The following DDX10 variants were observed in gnomAD, a reference collection of about 807,000 sequenced individuals.
The protein encoded by DDX10 is DEAD-box helicase 10.
A neutral mutation model predicts 104.3 loss-of-function variants in DDX10; 74 were observed. The ratio of observed to expected loss-of-function variants is 0.71; its 90% CI spans 0.59 to 0.86. DDX10 has a LOEUF of 0.86. DDX10 is among the 40% of genes least tolerant of loss of function. DDX10 has a pLI of 0.00. For synonymous variants in DDX10, 351 were observed against 353.4 expected (o/e 0.99, Z 0.08); for missense variants, 952 against 1,040.0 (o/e 0.92, Z 1.16).
intron 16 of DDX10, among the ~76,000 whole-genome samples, chr11:108,912,878 G>A (rs1863698434): frequency 1.3e-5 from 2 of 152,112 alleles, no homozygotes; most frequent in Admixed American, 6.5e-5. Flanking sequence ...TGTGTATTTA[G>A]TAAGAGGCTA....
chr11:108,774,230 G>C (rs1173636010), intron 13 of DDX10, among the ~76,000 whole-genome samples: 1 of 152,232 alleles, frequency 6.6e-6, no homozygotes, highest in Non-Finnish European at 1.5e-5. Context: ...ACCTTGGGAA[G>C]TGAGAATCAT....
chr11:108,907,527 G>C (rs143716854), intron 16 of DDX10, among the ~76,000 whole-genome samples: 1,566 of 152,010 alleles, frequency 0.01, 25 homozygotes, highest in African/African-American at 0.036. Flanking sequence ...GTAGAGATGG[G>C]GTTTCACCAT....
At chr11:108,717,051 T>A (rs1159436265) in intron 11 of DDX10, among the ~76,000 whole-genome samples, 1 of 152,238 alleles carries the variant, frequency 6.6e-6, no homozygotes, top group African/African-American at 2.4e-5. Flanking sequence ...CTTATCATTT[T>A]CACCTGTCCT....
intron 17 of DDX10, among the ~76,000 whole-genome samples, chr11:108,927,893 C>A (rs1863928410): frequency 6.6e-6 from 1 of 152,196 alleles, no homozygotes; most frequent in Non-Finnish European, 1.5e-5. Context: ...CCTGCCTTGG[C>A]CTCCCAAAGT....
At chr11:108,704,146 G>T (rs116992358) in intron 9 of DDX10, among the ~76,000 whole-genome samples, 1 of 152,142 alleles carries the variant, frequency 6.6e-6, no homozygotes, top group African/African-American at 2.4e-5. Context: ...ATGGACAGAG[G>T]TGTGACTAGC....
rs142321169 is a variant in DDX10, at chr11:108,679,523, C to T, written c.811C>T (p.Pro271Ser). 4 of 1,611,736 alleles carry T rather than the reference C, an allele frequency of 2.5e-6. No homozygotes were observed. Among genetic ancestry groups the T allele is most frequent in the South Asian group, 1.1e-5 (1 of 90,354 alleles). ...CCTTGCACGCTTGAGTTTGAAAAAC[C>T]CTGAGTATGTCTGGGTTCATGAAAA... ...KDLARLSLKN[P>S]EYVWVHEKAK... is the part of the protein sequence containing the mutation. Residue 271 changes from proline to serine, a missense_variant, in exon 6 of 18, where the codon CCT becomes TCT. Physicochemically the swap from Pro to Ser is moderately conservative, Grantham distance 74. Around this residue, in one of 3 missense-constraint regions of DDX10, gnomAD observed 412 missense variants for 479.2 expected, o/e 0.86. Transcript: ENST00000322536.
chr11:108,849,891 C>A (rs1056084851), intron 15 of DDX10, among the ~76,000 whole-genome samples: 1 of 152,128 alleles, frequency 6.6e-6, no homozygotes. Context: ...ATGTCATAAA[C>A]CGTCTTTAGA....
intron 2 of DDX10, among the ~76,000 whole-genome samples, chr11:108,674,215 G>C (rs2094220847): frequency 6.6e-6 from 1 of 151,934 alleles, no homozygotes; most frequent in Non-Finnish European, 1.5e-5. Flanking sequence ...CCAGCTACAG[G>C]CTGAGGCAGG....
At chr11:108,803,128 A>G (rs1312454138) in intron 13 of DDX10, among the ~76,000 whole-genome samples, 1 of 152,042 alleles carries the variant, frequency 6.6e-6, no homozygotes, top group East Asian at 1.9e-4. Flanking sequence ...TTTTTTTCTT[A>G]CTTTTCAAAT....
intron 13 of DDX10, among the ~76,000 whole-genome samples, chr11:108,808,357 G>A (rs1436129117): frequency 6.6e-6 from 1 of 151,360 alleles, no homozygotes; most frequent in Non-Finnish European, 1.5e-5. Flanking sequence ...TTTTGGGGGT[G>A]GGGGGAAATA....
chr11:108,731,252 T>C (rs2094311891), intron 13 of DDX10, among the ~76,000 whole-genome samples: 1 of 151,992 alleles, frequency 6.6e-6, no homozygotes, highest in African/African-American at 2.4e-5. Context: ...GGTTTCACCA[T>C]GTTGGCCAGG....
chr11:108,896,442 G>A (rs2726895), intron 16 of DDX10, among the ~76,000 whole-genome samples: 22,814 of 151,826 alleles, frequency 0.15, 2,104 homozygotes, highest in East Asian at 0.27. Flanking sequence ...ATTTTCTGTG[G>A]TGTGTTATTG....
chr11:108,784,873 A>G (rs116145065), intron 13 of DDX10, among the ~76,000 whole-genome samples: 20 of 152,264 alleles, frequency 1.3e-4, no homozygotes, highest in African/African-American at 2.2e-4. Flanking sequence ...TTTGTATACA[A>G]TGAGAGGAAG....
chr11:108,671,140 C>G (rs1285956485), intron 1 of DDX10, among the ~76,000 whole-genome samples: 1 of 152,106 alleles, frequency 6.6e-6, no homozygotes, highest in Non-Finnish European at 1.5e-5. Context: ...ATTTTTCCCC[C>G]CTAAGAAAGG....
chr11:108,859,817 G>C (rs1862917206), intron 16 of DDX10, among the ~76,000 whole-genome samples: 1 of 152,150 alleles, frequency 6.6e-6, no homozygotes, highest in Non-Finnish European at 1.5e-5. Context: ...GTGTGGATGT[G>C]ACCATCGTGA....
intron 1 of DDX10, among the ~76,000 whole-genome samples, chr11:108,670,334 T>G (rs2094215386): frequency 1.4e-5 from 2 of 147,704 alleles, no homozygotes; most frequent in Non-Finnish European, 3.0e-5. Flanking sequence ...GGAACAGGAG[T>G]AGGGAGGGAA....
In DDX10 at chr11:108,677,121, A is replaced by C. The variant is rs371514520; in HGVS notation, c.415A>C (p.Thr139Pro). The change falls in exon 4 of 18, where the codon ACA (threonine) becomes CCA (proline). Residue 139 changes from threonine (T) to proline (P), a missense_variant. Coordinates refer to ENST00000322536, the MANE Select transcript of DDX10 (RefSeq NM_004398.4). ...CTTATATCGTCTGCAATGGACTTCA[A>C]CAGATGGGCTGGGGGTTCTCATAAT... ...EALYRLQWTS[T>P]DGLGVLIISP... 3.7e-6 allele frequency: 6 copies of C among 1,613,604 alleles called. No individual in the cohort carries two copies. Among genetic ancestry groups the C allele is most frequent in the Non-Finnish European group, 5.1e-6 (6 of 1,179,744 alleles).
At chr11:108,910,038 T>C (rs970025038) in intron 16 of DDX10, among the ~76,000 whole-genome samples, 15 of 149,650 alleles carry the variant, frequency 1.0e-4, no homozygotes, top group African/African-American at 3.7e-4. Flanking sequence ...AAAGAATACT[T>C]GCAGGAAGAC....
chr11:108,788,900 C>T (rs569408197), intron 13 of DDX10, among the ~76,000 whole-genome samples: 1 of 152,292 alleles, frequency 6.6e-6, no homozygotes, highest in East Asian at 1.9e-4. Context: ...CACTCCTAGG[C>T]CATGAAGGAG....
Sources: allele counts gnomAD v4.1 joint callset (sites outside exome capture counted in the v4.1 genomes callset), GRCh38; gene constraint gnomAD v4.1.1; regional missense constraint gnomAD v4.1.1; transcripts MANE v1.5; gene names NCBI Gene and HGNC (gene_info 2026-07-23, HGNC 2026-07-21).